Variants in DOCK1 observed in about 807,000 individuals in gnomAD.
DOCK1 encodes dedicator of cytokinesis 1.
DOCK1 carries 138 observed loss-of-function variants against 262.7 expected under a neutral mutation model. That is an observed-to-expected ratio of 0.53 (90% CI 0.46 to 0.61). The LOEUF (loss-of-function observed/expected upper bound fraction) is 0.61, where lower values mean the gene tolerates loss of function less well. DOCK1 is among the 20% of genes least tolerant of loss of function. DOCK1 has a pLI of 0.00. For synonymous variants in DOCK1, 866 were observed against 867.4 expected (o/e 1.00, Z 0.03); for missense variants, 1,908 against 2,370.7 (o/e 0.80, Z 4.05).
chr10:127,029,790 A>G (rs2043114889), intron 16 of DOCK1, among the ~76,000 whole-genome samples: 1 of 152,212 alleles, frequency 6.6e-6, no homozygotes, highest in South Asian at 2.1e-4. Context: ...TGGTAGGGTC[A>G]GTAGAAGCCT....
At chr10:127,056,395 T>C (rs1464678355) in intron 22 of DOCK1, among the ~76,000 whole-genome samples, 3 of 152,096 alleles carry the variant, frequency 2.0e-5, no homozygotes, top group African/African-American at 7.2e-5. Flanking sequence ...ATGGTCTCGC[T>C]ATGTTGCCCA....
At chr10:127,366,387 C>T (rs1374494820) in intron 33 of DOCK1, among the ~76,000 whole-genome samples, 1 of 152,084 alleles carries the variant, frequency 6.6e-6, no homozygotes, top group African/African-American at 2.4e-5. Flanking sequence ...TGCCAGTCTC[C>T]TTGTCACTGG....
intron 1 of DOCK1, among the ~76,000 whole-genome samples, chr10:126,962,163 C>CTT (rs1297437880): frequency 5.4e-4 from 76 of 140,746 alleles, no homozygotes; most frequent in South Asian, 3.0e-3. Context: ...ATGCCCGACT[C>CTT]TTTTTTTTTT....
At chr10:127,099,471 G>A (rs779284942) in intron 23 of DOCK1, among the ~76,000 whole-genome samples, 3 of 152,102 alleles carry the variant, frequency 2.0e-5, no homozygotes, top group African/African-American at 4.8e-5. Flanking sequence ...TTTTGGCCCC[G>A]GTTCTGCAGG....
chr10:126,974,232 C>T (rs188123686), intron 2 of DOCK1, among the ~76,000 whole-genome samples: 43 of 152,208 alleles, frequency 2.8e-4, no homozygotes, highest in African/African-American at 1.0e-3. Context: ...CCATAGGGTC[C>T]CCAGGGCTTC....
chr10:127,406,279 T>C (rs539613876), intron 40 of DOCK1, among the ~76,000 whole-genome samples: 4 of 152,166 alleles, frequency 2.6e-5, no homozygotes, highest in Admixed American at 2.0e-4. Context: ...CAGTGCCGGG[T>C]GCGGAGGACA....
In DOCK1 at chr10:127,260,871, ATG is replaced by A. The variant is rs140171742; in HGVS notation, c.3044+3456_3044+3457del. On this transcript the variant is annotated intron_variant, in intron 29 of 51. Transcript: ENST00000623213. Reference sequence around the variant, plus strand: ...TACCCGTGCTCATCTGTGTGTGTGCATGTGTGTGTGTGTGTACCCGTGCTCAT... The same window carrying A: ...TACCCGTGCTCATCTGTGTGTGTGCATGTGTGTGTGTGTACCCGTGCTCAT... 1.6e-3 allele frequency among the ~76,000 whole-genome samples: 119 copies of A among 72,564 alleles called. 7 individuals are homozygous for A. Among genetic ancestry groups the A allele is most frequent in the East Asian group, 5.8e-3 (12 of 2,068 alleles). 47.6% of individuals were successfully genotyped at this position (72,564 alleles called of 152,430 possible).
intron 23 of DOCK1, among the ~76,000 whole-genome samples, chr10:127,102,607 A>T (rs1354843029): frequency 6.6e-6 from 1 of 152,216 alleles, no homozygotes; most frequent in Non-Finnish European, 1.5e-5. Context: ...AGGTGGGTGG[A>T]TCACTTGAGG....
intron 27 of DOCK1, among the ~76,000 whole-genome samples, chr10:127,131,218 C>T (rs1459296080): frequency 1.3e-5 from 2 of 152,130 alleles, no homozygotes; most frequent in East Asian, 3.9e-4. Context: ...GGGGTCTAAG[C>T]ACTGTCCGGG....
chr10:127,149,424 T>A (rs1024294810), intron 27 of DOCK1, among the ~76,000 whole-genome samples: 3 of 152,204 alleles, frequency 2.0e-5, no homozygotes, highest in African/African-American at 7.2e-5. Context: ...GTCCTCTATA[T>A]TTCCATGACA....
chr10:126,915,139 C>T (rs989011427), intron 1 of DOCK1, among the ~76,000 whole-genome samples: 1 of 152,076 alleles, frequency 6.6e-6, no homozygotes, highest in Non-Finnish European at 1.5e-5. Context: ...CCACGTGTTC[C>T]TATTGATGCT....
chr10:126,930,063 C>T (rs1340539895), intron 1 of DOCK1, among the ~76,000 whole-genome samples: 5 of 152,330 alleles, frequency 3.3e-5, no homozygotes, highest in Non-Finnish European at 5.9e-5. Context: ...GCAGATCCCA[C>T]GTGTGTGGTC....
intron 21 of DOCK1, among the ~76,000 whole-genome samples, chr10:127,047,596 C>T (rs1414684207): frequency 1.4e-5 from 2 of 147,456 alleles, no homozygotes; most frequent in African/African-American, 4.8e-5. Context: ...TTTGTATACC[C>T]TTGGAACTAC....
At chr10:127,105,570 G>A (rs2136214745) in intron 23 of DOCK1, among the ~76,000 whole-genome samples, 1 of 152,254 alleles carries the variant, frequency 6.6e-6, no homozygotes, top group Admixed American at 6.5e-5. Flanking sequence ...GAGGGGGACA[G>A]GTCTTCATTT....
rs1688363479 is a variant in DOCK1 at position 127,052,897 on chromosome 10, C to T, written c.2336+82C>T. On this transcript the variant is annotated intron_variant, in intron 22 of 51. Transcript: ENST00000623213. ...ACTTCTTTCCTTCCCCTTCTCTCGTCCCCTTATTCTTTCCTTTCTTCTTCC... is the reference window on the plus strand; with the variant it reads ...ACTTCTTTCCTTCCCCTTCTCTCGTTCCCTTATTCTTTCCTTTCTTCTTCC... The T allele has an allele frequency of 2.0e-6, 3 of 1,519,934 alleles. No individual in the cohort carries two copies. In the South Asian group the frequency reaches 3.7e-5, roughly 19 times the overall value. The allele number at this position is 1,519,934 out of a possible 1,614,324, so 94.2% of individuals were successfully genotyped here. A position where few individuals can be genotyped will look rare whatever the true frequency, so the allele number is the denominator to read the frequency against.
At chr10:127,210,448 G>T (rs1240795013) in intron 27 of DOCK1, among the ~76,000 whole-genome samples, 1 of 152,250 alleles carries the variant, frequency 6.6e-6, no homozygotes, top group Non-Finnish European at 1.5e-5. Context: ...TGATAATGCA[G>T]TCAGAGGAGG....
intron 23 of DOCK1, among the ~76,000 whole-genome samples, chr10:127,087,063 A>G (rs999082257): frequency 1.3e-5 from 2 of 152,208 alleles, no homozygotes; most frequent in African/African-American, 4.8e-5. Context: ...CATGGACTAC[A>G]TAAGCCTCCA....
At chr10:126,962,954 T>C (rs2037342893) in intron 1 of DOCK1, among the ~76,000 whole-genome samples, 1 of 152,156 alleles carries the variant, frequency 6.6e-6, no homozygotes, top group Admixed American at 6.6e-5. Flanking sequence ...GGATATCCAG[T>C]TTTCCCAGCA....
intron 27 of DOCK1, among the ~76,000 whole-genome samples, chr10:127,134,624 T>C (rs2050538067): frequency 6.6e-6 from 1 of 152,170 alleles, no homozygotes; most frequent in Non-Finnish European, 1.5e-5. Context: ...GCAGCACCAA[T>C]AGTTGGCTCA....
Sources: allele counts gnomAD v4.1 joint callset (sites outside exome capture counted in the v4.1 genomes callset), GRCh38; gene constraint gnomAD v4.1.1; transcripts MANE v1.5; gene names NCBI Gene and HGNC (gene_info 2026-07-23, HGNC 2026-07-21).